The following WDR64 variants were observed in gnomAD, a reference collection of about 807,000 sequenced individuals.
WDR64 encodes WD repeat domain 64, also known as WD repeat-containing protein 64.
WDR64 carries 112 observed loss-of-function variants against 139.3 expected under a neutral mutation model. That is an observed-to-expected ratio of 0.80 (90% CI 0.69 to 0.94). WDR64 has a LOEUF of 0.94. WDR64 is among the 40% of genes least tolerant of loss of function. WDR64 has a pLI of 0.00. For synonymous variants in WDR64, 444 were observed against 437.7 expected, an observed-to-expected ratio of 1.01 and a Z score of -0.18; for missense variants, 1,206 against 1,293.1, an observed-to-expected ratio of 0.93 and a Z score of 1.03.
intron 8 of WDR64, among the ~76,000 whole-genome samples, chr1:241,694,636 G>A (rs1433420498): frequency 6.6e-6 from 1 of 152,140 alleles, no homozygotes; most frequent in Non-Finnish European, 1.5e-5. Context: ...AAGGAACACT[G>A]TGAAAACGTA....
chr1:241,740,918 C>G (rs1199905198), intron 11 of WDR64, among the ~76,000 whole-genome samples: 1 of 152,168 alleles, frequency 6.6e-6, no homozygotes, highest in East Asian at 1.9e-4. Flanking sequence ...TAGAAAAATG[C>G]AAGTAAAGCA....
At chr1:241,660,444 A>C in intron 1 of WDR64, 86 bp from the exon 2 acceptor site, 1 of 1,447,628 alleles carries the variant, frequency 6.9e-7, no homozygotes, top group African/African-American at 1.4e-5. Flanking sequence ...AAGAAAATAC[A>C]AGGTGAGGAA....
At chr1:241,675,638 G>A (rs1666521926) in intron 4 of WDR64, among the ~76,000 whole-genome samples, 1 of 152,174 alleles carries the variant, frequency 6.6e-6, no homozygotes, top group Non-Finnish European at 1.5e-5. Flanking sequence ...AAAATGAATT[G>A]CTCAAATTCT....
chr1:241,686,323 C>A (rs1046567428), intron 7 of WDR64, among the ~76,000 whole-genome samples: 1 of 152,140 alleles, frequency 6.6e-6, no homozygotes, highest in East Asian at 1.9e-4. Flanking sequence ...CACTGATATG[C>A]AAACCATTAT....
chr1:241,652,998 G>T (rs531613031), intron 1 of WDR64, among the ~76,000 whole-genome samples: 85 of 152,344 alleles, frequency 5.6e-4, no homozygotes, highest in African/African-American at 2.0e-3. Flanking sequence ...TTAGCCTAAA[G>T]ATATCATGAG....
At chr1:241,780,988 C>T (rs1658824653) in intron 22 of WDR64, among the ~76,000 whole-genome samples, 1 of 152,120 alleles carries the variant, frequency 6.6e-6, no homozygotes, top group South Asian at 2.1e-4. Context: ...CTATAAATTG[C>T]TTGTAACGAA....
At chr1:241,680,415 G>A (rs1574002185) in intron 6 of WDR64, among the ~76,000 whole-genome samples, 2 of 152,144 alleles carry the variant, frequency 1.3e-5, no homozygotes, top group African/African-American at 4.8e-5. Flanking sequence ...ACTTTATTAT[G>A]TGCTGTGTTA....
At chr1:241,713,070 G>T (rs1404722243) in intron 9 of WDR64, among the ~76,000 whole-genome samples, 2 of 151,982 alleles carry the variant, frequency 1.3e-5, no homozygotes, top group East Asian at 1.9e-4. Context: ...ACTTTGGGAG[G>T]CTGAGACAGG....
At chr1:241,724,699 T>C (rs1558492079) in intron 10 of WDR64, among the ~76,000 whole-genome samples, 10 of 152,220 alleles carry the variant, frequency 6.6e-5, no homozygotes, top group Admixed American at 5.2e-4. Context: ...GTCTTATAAC[T>C]TTTGGGTAAT....
intron 8 of WDR64, among the ~76,000 whole-genome samples, chr1:241,690,983 C>A (rs189306349): frequency 4.6e-5 from 7 of 151,848 alleles, no homozygotes; most frequent in Non-Finnish European, 7.4e-5. Flanking sequence ...TATGTGTAAG[C>A]AAAATAAATG....
At chr1:241,711,114 G>T (rs1463334512) in intron 8 of WDR64, among the ~76,000 whole-genome samples, 2 of 152,084 alleles carry the variant, frequency 1.3e-5, no homozygotes, top group Non-Finnish European at 2.9e-5. Flanking sequence ...GCACATGCCT[G>T]TAATCCCAGC....
intron 8 of WDR64, among the ~76,000 whole-genome samples, chr1:241,706,263 T>TA (rs1667950274): frequency 6.6e-6 from 1 of 152,224 alleles, no homozygotes; most frequent in Non-Finnish European, 1.5e-5. Context: ...TTCACACTGA[T>TA]ACTGTCCAGC....
chr1:241,766,070 T>A, intron 15 of WDR64, 148 bp from the exon 16 acceptor site: 4 of 722,860 alleles, frequency 5.5e-6, no homozygotes, highest in Non-Finnish European at 8.0e-6. Flanking sequence ...AAAATAAGAT[T>A]TTACTAAATT....
chr1:241,662,232 G>A (rs1363635393), intron 2 of WDR64, among the ~76,000 whole-genome samples: 1 of 152,142 alleles, frequency 6.6e-6, no homozygotes, highest in Non-Finnish European at 1.5e-5. Flanking sequence ...AGTTTGCATG[G>A]ATCAGGAGTC....
At chr1:241,765,227 G>C (rs1424463940) in intron 15 of WDR64, among the ~76,000 whole-genome samples, 1 of 151,798 alleles carries the variant, frequency 6.6e-6, no homozygotes, top group African/African-American at 2.4e-5. Flanking sequence ...ATGCCTAAAG[G>C]AGGTGATAAG....
At chr1:241,686,426 T>C (rs1438091969) in intron 7 of WDR64, among the ~76,000 whole-genome samples, 2 of 152,210 alleles carry the variant, frequency 1.3e-5, no homozygotes, top group African/African-American at 4.8e-5. Flanking sequence ...TAATGTCATA[T>C]TGTAGAACTT....
intron 8 of WDR64, among the ~76,000 whole-genome samples, chr1:241,691,784 C>T (rs923429645): frequency 3.9e-5 from 6 of 152,102 alleles, no homozygotes; most frequent in Non-Finnish European, 8.8e-5. Flanking sequence ...GGGGCCAAGG[C>T]GGGCAGATCA....
At chr1:241,700,946 G>C (rs1376426197) in intron 8 of WDR64, among the ~76,000 whole-genome samples, 1 of 152,178 alleles carries the variant, frequency 6.6e-6, no homozygotes, top group Admixed American at 6.5e-5. Flanking sequence ...CCCAACACCA[G>C]AGAAAAGGAA....
chr1:241,675,395 G>C (rs12133534), intron 4 of WDR64, among the ~76,000 whole-genome samples: 103,299 of 151,450 alleles, frequency 0.68, 35,992 homozygotes, highest in Non-Finnish European at 0.75. Flanking sequence ...ATATTTTAGA[G>C]TTATTCCAAA....
Sources: gnomAD v4.1 joint callset for allele counts (sites outside exome capture counted in the v4.1 genomes callset) on GRCh38, gnomAD v4.1.1 for gene constraint, MANE v1.5 for transcripts, NCBI Gene and HGNC (gene_info 2026-07-23, HGNC 2026-07-21) for gene names.